UCHL5: variants seen among roughly 807,000 people sequenced by gnomAD.
UCHL5 encodes the protein ubiquitin carboxyl-terminal hydrolase isozyme L5.
A neutral mutation model predicts 53.8 loss-of-function variants in UCHL5; 34 were observed. That is an observed-to-expected ratio of 0.63 (90% CI 0.48 to 0.84). The LOEUF (loss-of-function observed/expected upper bound fraction) is 0.84. Among genes scored for constraint, UCHL5 ranks in the 40% least tolerant of loss-of-function variants. The pLI is 0.00. For synonymous variants in UCHL5, 111 were observed against 126.3 expected (o/e 0.88, Z 0.81); for missense variants, 290 against 385.6 (o/e 0.75, Z 2.08).
At chr1:193,059,563 G>C (rs760131149), upstream of UCHL5, 1 of 1,517,518 alleles carries the variant, frequency 6.6e-7, no homozygotes, top group Non-Finnish European at 8.9e-7. This position sits in a 1 kb window ranked among gnomAD's most constrained non-coding sequence, Gnocchi z 4.9. Context: ...GCAACATCCG[G>C]GATCCTCGCC....
At chr1:193,055,359 G>C (rs928033922) in intron 1 of UCHL5, among the ~76,000 whole-genome samples, 1 of 152,186 alleles carries the variant, frequency 6.6e-6, no homozygotes, top group Non-Finnish European at 1.5e-5. Context: ...TTCTCTAGCT[G>C]AGAGTTCCTC....
At chr1:193,045,288 A>T (rs1392145341) in intron 3 of UCHL5, among the ~76,000 whole-genome samples, 2 of 152,210 alleles carry the variant, frequency 1.3e-5, no homozygotes, top group South Asian at 2.1e-4. Context: ...TTACTGATAC[A>T]GTCTCTAAAT....
chr1:193,019,754 C>G (rs1656219917), intron 10 of UCHL5: 1 of 616,872 alleles, frequency 1.6e-6, no homozygotes, highest in Non-Finnish European at 2.0e-6. Flanking sequence ...AATTAAAAAT[C>G]AAACAACAGT....
rs940797437 is a variant in UCHL5 at position 193,013,327 on chromosome 1, G to GT, written c.*3023dup. 3 of 152,226 alleles carry GT rather than the reference G, an allele frequency of 2.0e-5. No homozygotes were observed. The highest frequency in any genetic ancestry group is 4.4e-5 in the Non-Finnish European group (3 of 67,992). The allele number at this position is 152,226 out of a possible 1,614,324, so 9.4% of individuals were successfully genotyped here. On this transcript the variant is annotated 3_prime_UTR_variant, in exon 11 of 11. Coordinates refer to ENST00000367454, the MANE Select transcript of UCHL5 (RefSeq NM_001199261.3). ...CTCCTCCAAACCTTCCAATGATTTT[G>GT]TAAGAAACTATGTAGTTTCAAAACT...
chr1:193,036,356 A>AC (rs1353152121), intron 3 of UCHL5, among the ~76,000 whole-genome samples: 1 of 150,082 alleles, frequency 6.7e-6, no homozygotes, highest in Non-Finnish European at 1.5e-5. Flanking sequence ...CAGGAGTACT[A>AC]TCCTTATATC....
chr1:193,024,197 A>G (rs1272943888), intron 7 of UCHL5, among the ~76,000 whole-genome samples: 1 of 151,922 alleles, frequency 6.6e-6, no homozygotes, highest in Admixed American at 6.6e-5. Context: ...GAGCTATGAT[A>G]GTGCACTATA....
At chr1:193,051,588 T>TA (rs1479329443) in intron 2 of UCHL5, among the ~76,000 whole-genome samples, 166 bp downstream of exon 2, 4 of 151,646 alleles carry the variant, frequency 2.6e-5, no homozygotes, top group Non-Finnish European at 4.4e-5. Flanking sequence ...TTCTTAGTTA[T>TA]AAAAAAATAA....
intron 3 of UCHL5, among the ~76,000 whole-genome samples, chr1:193,033,602 A>G (rs1443049476): frequency 6.6e-6 from 1 of 152,120 alleles, no homozygotes; most frequent in African/African-American, 2.4e-5. Context: ...ATACAATTTT[A>G]AATTTTTTAA....
At chr1:193,050,379 T>C (rs1668622989) in intron 2 of UCHL5, among the ~76,000 whole-genome samples, 1 of 152,124 alleles carries the variant, frequency 6.6e-6, no homozygotes, top group Admixed American at 6.5e-5. Flanking sequence ...ATTAAATCAC[T>C]ACTTTGAAAT....
chr1:193,025,566 C>T (rs932487366), intron 7 of UCHL5, among the ~76,000 whole-genome samples: 5 of 152,194 alleles, frequency 3.3e-5, no homozygotes, highest in African/African-American at 1.2e-4. Flanking sequence ...TCAACAGAAA[C>T]TCTGCTGGGG....
intron 3 of UCHL5, among the ~76,000 whole-genome samples, chr1:193,033,034 C>T (rs1373935136): frequency 1.3e-5 from 2 of 152,098 alleles, no homozygotes; most frequent in African/African-American, 4.8e-5. Flanking sequence ...TGGGTATATA[C>T]CCAAAGGATT....
Position 193,056,751 on chromosome 1 carries a change from G to C in UCHL5, c.76+2434C>G, listed in dbSNP as rs562144798. On this transcript the variant is annotated intron_variant, in intron 1 of 10. Transcript: ENST00000367454. ...CAATACAGGTATTTCATTTTTGAAA[G>C]AATCAACAGCCAAAAGCTTTTTTAA... is the stretch of plus-strand genomic sequence containing the variant. Among the ~76,000 whole-genome samples the C allele has an allele frequency of 2.6e-5, 4 of 152,232 alleles. No individual in the cohort carries two copies. In the East Asian group the frequency reaches 5.8e-4, roughly 22 times the overall value.
intron 3 of UCHL5, among the ~76,000 whole-genome samples, chr1:193,045,306 T>G (rs1051097534): frequency 6.6e-6 from 1 of 152,228 alleles, no homozygotes; most frequent in African/African-American, 2.4e-5. Context: ...AATTTGTCCC[T>G]GCCCAAACCT....
intron 10 of UCHL5, chr1:193,018,479 T>C (rs1444806934): frequency 1.0e-6 from 1 of 974,912 alleles, no homozygotes; most frequent in Non-Finnish European, 1.2e-6. Context: ...GTTTTATAAC[T>C]ATATATTTTT....
At chr1:193,036,317 CAA>C (rs960496083) in intron 3 of UCHL5, among the ~76,000 whole-genome samples, 12 of 50,808 alleles carry the variant, frequency 2.4e-4, no homozygotes, top group African/African-American at 2.7e-4. Flanking sequence ...AACTGGAAAC[CAA>C]AAAAAAAAAA....
chr1:193,029,175 T>A lies in UCHL5; in HGVS notation c.565+4A>T. The A allele has an allele frequency of 6.2e-7, 1 of 1,611,260 alleles. No homozygotes were observed. The highest frequency in any genetic ancestry group is 8.5e-7 in the Non-Finnish European group (1 of 1,178,962). Reference sequence around the variant, plus strand: ...TGAAATATCAGGAACAGGAACTGCATTACCTAAATCAATCGGTCCTTCTCT... The same window carrying A: ...TGAAATATCAGGAACAGGAACTGCAATACCTAAATCAATCGGTCCTTCTCT... On this transcript the variant is annotated splice_donor_region_variant and intron_variant, in intron 6 of 10. Coordinates refer to ENST00000367454, the MANE Select transcript of UCHL5 (RefSeq NM_001199261.3).
chr1:193,051,271 G>A (rs1410077950), intron 2 of UCHL5, among the ~76,000 whole-genome samples: 1 of 152,034 alleles, frequency 6.6e-6, no homozygotes, highest in Non-Finnish European at 1.5e-5. Context: ...GATGGGGGAA[G>A]GAGAAAAGTT....
At chr1:193,059,611 G>C, upstream of UCHL5, 1 of 1,434,226 alleles carries the variant, frequency 7.0e-7, no homozygotes, top group Middle Eastern at 1.9e-4. This position sits in a 1 kb window ranked among gnomAD's most constrained non-coding sequence, Gnocchi z 4.9. Flanking sequence ...AGAGGGGCAG[G>C]ACTCGTTCCC....
At chr1:193,054,107 G>A (rs1454121829) in intron 1 of UCHL5, among the ~76,000 whole-genome samples, 1 of 151,594 alleles carries the variant, frequency 6.6e-6, no homozygotes, top group Non-Finnish European at 1.5e-5. Context: ...CCAGAACCCT[G>A]TTCCAAAGCG....
Sources: gnomAD v4.1 joint callset for allele counts (sites outside exome capture counted in the v4.1 genomes callset) on GRCh38, gnomAD v4.1.1 for gene constraint, Gnocchi (gnomAD v3.1) non-coding constraint, MANE v1.5 for transcripts, NCBI Gene and HGNC (gene_info 2026-07-23, HGNC 2026-07-21) for gene names.